GALNS: variants seen among roughly 807,000 people sequenced by gnomAD.
The protein encoded by GALNS is N-acetylgalactosamine-6-sulfatase.
GALNS carries 65 observed loss-of-function variants against 65.9 expected under a neutral mutation model. The observed-to-expected ratio is 0.99, with a 90% confidence interval of 0.81 to 1.21. GALNS has a LOEUF of 1.21. Ranked by LOEUF, GALNS falls within the 50% of genes most tolerant of loss-of-function variation. The probability of loss-of-function intolerance (pLI) is 0.00; values close to 1 mark genes in which losing one functional copy is unlikely to be tolerated. For synonymous variants in GALNS, 346 were observed against 288.9 expected (o/e 1.20, Z -2.00); for missense variants, 776 against 700.7 (o/e 1.11, Z -1.21).
chr16:88,824,950 A>C lies in GALNS; in HGVS notation c.1140-81T>G, dbSNP rs1318870788. The C allele has an allele frequency of 2.7e-6, 3 of 1,112,384 alleles. No individual in the cohort carries two copies. In the African/African-American group the frequency reaches 4.6e-5, roughly 17 times the overall value. 68.9% of individuals were successfully genotyped at this position (1,112,384 alleles called of 1,614,324 possible). ...CTGGAGGCTCTGGGCTGCGTCTGTC[A>C]TCAGTGGCTCATGCCTCCACGTGAG... On this transcript the variant is annotated intron_variant, in intron 10 of 13. Transcript: ENST00000268695.
At chr16:88,830,296 C>T (rs1302419086) in intron 9 of GALNS, among the ~76,000 whole-genome samples, 2 of 149,754 alleles carry the variant, frequency 1.3e-5, no homozygotes, top group African/African-American at 4.9e-5. Flanking sequence ...CTGCGTGCTG[C>T]TGGCTTTGAC....
At chr16:88,819,184 C>G (rs1909946535) in intron 12 of GALNS, among the ~76,000 whole-genome samples, 1 of 152,142 alleles carries the variant, frequency 6.6e-6, no homozygotes, top group South Asian at 2.1e-4. Flanking sequence ...GATGCGCCCC[C>G]CTCCCCACCC....
intron 8 of GALNS, among the ~76,000 whole-genome samples, chr16:88,833,724 A>G (rs1911767359): frequency 6.6e-6 from 1 of 152,118 alleles, no homozygotes; most frequent in African/African-American, 2.4e-5. Context: ...TGCTGGGATT[A>G]CAGGTGTGAG....
chr16:88,819,720 G>A (rs994494322), intron 12 of GALNS, among the ~76,000 whole-genome samples: 8 of 150,816 alleles, frequency 5.3e-5, no homozygotes, highest in African/African-American at 1.7e-4. Flanking sequence ...TTGAGAGAGA[G>A]TCTCGCGCTG....
At chr16:88,853,841 C>T (rs1204720318) in intron 1 of GALNS, among the ~76,000 whole-genome samples, 4 of 152,160 alleles carry the variant, frequency 2.6e-5, no homozygotes, top group Admixed American at 2.0e-4. Context: ...CGGCTCAGCT[C>T]CCCCTGGACA....
At chr16:88,818,728 C>T (rs1909900321) in intron 12 of GALNS, among the ~76,000 whole-genome samples, 1 of 152,246 alleles carries the variant, frequency 6.6e-6, no homozygotes, top group African/African-American at 2.4e-5. Flanking sequence ...TCATGCTGTG[C>T]TCTGAGGACA....
chr16:88,841,250 C>T (rs1350408276), intron 3 of GALNS, among the ~76,000 whole-genome samples, 156 bp from the exon 4 acceptor site: 1 of 152,174 alleles, frequency 6.6e-6, no homozygotes, highest in African/African-American at 2.4e-5. Context: ...GTCCACAGGG[C>T]ATGGCACTTC....
chr16:88,846,640 C>G (rs1455874643), intron 1 of GALNS, among the ~76,000 whole-genome samples: 1 of 150,048 alleles, frequency 6.7e-6, no homozygotes, highest in Non-Finnish European at 1.5e-5. Flanking sequence ...CTCTCGGGTT[C>G]AAGCGATTAC....
chr16:88,824,863 G>C lies in GALNS; in HGVS notation c.1146C>G (p.Ile382Met), dbSNP rs1189078848. Residue 382 changes from isoleucine to methionine, a missense_variant, in exon 11 of 14, where the codon ATC becomes ATG. By Grantham distance (10) the Ile-to-Met change is conservative (BLOSUM62 1). Transcript: ENST00000268695. Reference protein sequence around the residue: ...LLQGRLMDRPIFYYRGDTLMA... With the variant: ...LLQGRLMDRPMFYYRGDTLMA... The stretch of plus-strand genomic sequence containing the variant: ...TCAGCGTGTCGCCACGGTAATAGAA[G>C]ATAGGCCTGTGGGATGGGAGGGGAG... 6.2e-6 allele frequency: 10 copies of C among 1,612,982 alleles called. No homozygotes were observed. Among genetic ancestry groups the C allele is most frequent in the Non-Finnish European group, 8.5e-6 (10 of 1,179,928 alleles).
At chr16:88,836,004 C>T (rs1325599095) in intron 6 of GALNS, among the ~76,000 whole-genome samples, 155 bp from the exon 7 acceptor site, 5 of 148,752 alleles carry the variant, frequency 3.4e-5, no homozygotes, top group South Asian at 2.2e-4. Context: ...CCCGTCCCCA[C>T]GCGTCCCACG....
At chr16:88,821,844 A>G (rs1910251528) in intron 12 of GALNS, among the ~76,000 whole-genome samples, 1 of 152,012 alleles carries the variant, frequency 6.6e-6, no homozygotes, top group African/African-American at 2.4e-5. Context: ...CCCAGGACCA[A>G]CTCGATAGGG....
Position 88,849,605 on chromosome 16 carries a change from T to C in GALNS, c.121-6776A>G, listed in dbSNP as rs113294536. Among the ~76,000 whole-genome samples the C allele has an allele frequency of 3.6e-3, 552 of 152,108 alleles. 2 individuals carry two copies. The highest frequency in any genetic ancestry group is 0.012 in the African/African-American group (518 of 41,490). ...CAGGCCAACTTTTTTGTATTTTTGG[T>C]AGAGATGGAGTTTTGCCACGTTGCC... is the stretch of plus-strand genomic sequence containing the variant. On this transcript the variant is annotated intron_variant, in intron 1 of 13. Transcript: ENST00000268695.
intron 10 of GALNS, 101 bp downstream of exon 10, chr16:88,826,601 G>C: frequency 7.0e-7 from 1 of 1,432,566 alleles, no homozygotes; most frequent in East Asian, 2.3e-5. Flanking sequence ...CCTGTGTCCA[G>C]AACCAGGAGG....
chr16:88,841,627 C>T (rs912698146), intron 3 of GALNS, among the ~76,000 whole-genome samples: 4 of 152,232 alleles, frequency 2.6e-5, no homozygotes, highest in East Asian at 3.8e-4. Flanking sequence ...GCGGCTCACC[C>T]GCCTGGGGAG....
chr16:88,816,969 G>A, intron 13 of GALNS: 1 of 985,442 alleles, frequency 1.0e-6, no homozygotes, highest in Non-Finnish European at 1.2e-6. Flanking sequence ...CATCTCCACT[G>A]TGCTCGGTGG....
At chr16:88,818,781 A>G (rs1002931777) in intron 12 of GALNS, among the ~76,000 whole-genome samples, 4 of 152,220 alleles carry the variant, frequency 2.6e-5, no homozygotes, top group Admixed American at 6.5e-5. Flanking sequence ...ATCACTTCTA[A>G]TATCGACAAC....
At chr16:88,824,943 G>T in intron 10 of GALNS, 74 bp from the exon 11 acceptor site, 2 of 1,221,788 alleles carry the variant, frequency 1.6e-6, no homozygotes, top group Non-Finnish European at 1.2e-6. Flanking sequence ...TCTGGGCTGC[G>T]TCTGTCATCA....
At chr16:88,853,015 C>A (rs988843358) in intron 1 of GALNS, among the ~76,000 whole-genome samples, 2 of 152,000 alleles carry the variant, frequency 1.3e-5, no homozygotes, top group Non-Finnish European at 2.9e-5. Flanking sequence ...CTTTGGGAGG[C>A]TGAGGCAGGC....
At position 88,826,586 on chromosome 16, in the gene GALNS, G is replaced by A; in HGVS notation, c.1139+116C>T. ...CTGCCTCCTCCTGCCCTGGGCACGAGCACGCCTGTGTCCAGAACCAGGAGG... is the reference window on the plus strand; with the variant it reads ...CTGCCTCCTCCTGCCCTGGGCACGAACACGCCTGTGTCCAGAACCAGGAGG... On this transcript the variant is annotated intron_variant, in intron 10 of 13. Coordinates refer to ENST00000268695, the MANE Select transcript of GALNS (RefSeq NM_000512.5). The A allele has an allele frequency of 5.4e-6, 7 of 1,290,408 alleles. No homozygotes were observed. The South Asian group carries it at 8.1e-5, about 15-fold the overall frequency. The allele number at this position is 1,290,408 out of a possible 1,614,324, so 79.9% of individuals were successfully genotyped here.
Sources: gnomAD v4.1 joint callset for allele counts (sites outside exome capture counted in the v4.1 genomes callset) on GRCh38, gnomAD v4.1.1 for gene constraint, MANE v1.5 for transcripts, NCBI Gene and HGNC (gene_info 2026-07-23, HGNC 2026-07-21) for gene names.